The following SYNE2 variants were observed in gnomAD, a reference collection of about 807,000 sequenced individuals.
SYNE2 encodes the protein spectrin repeat containing nuclear envelope protein 2.
In SYNE2, 431 loss-of-function variants were observed where a neutral mutation model predicts 856.3. The ratio of observed to expected loss-of-function variants is 0.50; its 90% CI spans 0.47 to 0.55. SYNE2 has a LOEUF of 0.55. Ranked by LOEUF, SYNE2 falls within the 20% of genes least tolerant of loss-of-function variation. The probability of loss-of-function intolerance (pLI) is 0.00; values close to 1 mark genes in which losing one functional copy is unlikely to be tolerated. For missense variants in SYNE2, 8,129 were observed against 8,023.2 expected (o/e 1.01, Z -0.50); for synonymous variants, 2,923 against 2,872.3 (o/e 1.02, Z -0.56).
chr14:63,927,225 A>C (rs1313033160), intron 2 of SYNE2, among the ~76,000 whole-genome samples: 5 of 152,190 alleles, frequency 3.3e-5, no homozygotes, highest in Non-Finnish European at 7.3e-5. Flanking sequence ...TTGGCCATGG[A>C]AGCATTCCAG....
intron 6 of SYNE2, among the ~76,000 whole-genome samples, chr14:63,948,782 G>A (rs796844800): frequency 0.053 from 2,304 of 43,516 alleles, 90 homozygotes; most frequent in East Asian, 0.06. Context: ...ATGTGTGTGT[G>A]TATATATATA....
At position 64,167,569 on chromosome 14, in the gene SYNE2, T is replaced by C. The variant is rs2098387199; in HGVS notation, c.16835T>C (p.Ile5612Thr). 1.2e-6 allele frequency: 2 copies of C among 1,614,120 alleles called. No homozygotes were observed. The highest frequency in any genetic ancestry group is 2.2e-5 in the East Asian group (1 of 44,892). The stretch of plus-strand genomic sequence containing the variant: ...AAGTGGATCCAACTTTTGGAGAAGA[T>C]AGAAGAAGCACTCAAAGTGGATGTG... ...CEKWIQLLEK[I>T]EEALKVDVAN... Residue 5612 changes from isoleucine (I) to threonine (T), a missense_variant, in exon 92 of 116, where the codon ATA becomes ACA. Physicochemically the swap from Ile to Thr is moderately conservative, Grantham distance 89. This residue lies in a region of SYNE2 where 5,410 missense variants were observed against 5,284.8 expected (regional missense o/e 1.02). Coordinates refer to ENST00000555002, the MANE Select transcript of SYNE2 (RefSeq NM_182914.3).
chr14:63,954,652 A>G, intron 7 of SYNE2, 67 bp from the exon 8 acceptor site: 1 of 1,401,316 alleles, frequency 7.1e-7, no homozygotes, highest in Non-Finnish European at 1.0e-6. Context: ...TTACTATTGA[A>G]TATAGTGGAG....
Position 64,130,147 on chromosome 14 carries a change from A to C in SYNE2, c.14239A>C (p.Met4747Leu). Residue 4747 changes from methionine (M) to leucine (L), a missense_variant, in exon 76 of 116, where the codon ATG (methionine) becomes CTG (leucine). Coordinates refer to ENST00000555002, the MANE Select transcript of SYNE2 (RefSeq NM_182914.3). ...CCAGCAAGATGCTTTGTTGCAAGGC[A>C]TGGTGGAACTGGTGAAGATTGGGAA... ...ESQQDALLQG[M>L]VELVKIGKEK... The C allele has an allele frequency of 6.2e-7, 1 of 1,614,184 alleles. No individual in the cohort carries two copies. Among genetic ancestry groups the C allele is most frequent in the Non-Finnish European group, 8.5e-7 (1 of 1,179,988 alleles).
chr14:63,923,250 T>C (rs2153381901), intron 2 of SYNE2, among the ~76,000 whole-genome samples: 1 of 152,290 alleles, frequency 6.6e-6, no homozygotes, highest in Non-Finnish European at 1.5e-5. Context: ...AAGACTTGCT[T>C]ACGCAGAGAG....
intron 7 of SYNE2, among the ~76,000 whole-genome samples, chr14:63,951,383 A>G (rs1035097406): frequency 2.6e-5 from 4 of 152,062 alleles, no homozygotes; most frequent in Non-Finnish European, 5.9e-5. Flanking sequence ...ACTCACTGCA[A>G]CCTGCACCTC....
intron 99 of SYNE2, 142 bp from the exon 100 acceptor site, chr14:64,202,659 G>T: frequency 9.6e-7 from 1 of 1,043,690 alleles, no homozygotes. Context: ...GAGTTGTTCT[G>T]ATATAAAATC....
Position 64,074,076 on chromosome 14 carries a change from CACA to C in SYNE2, c.10809_10811del (p.Thr3604del), listed in dbSNP as rs1334175790. Reference sequence around the variant, plus strand: ...CTTTGAAGAATTTCTTTCAACAGACCACAACTTCATTCCAAAATATGGCATTCC... The same window carrying C: ...CTTTGAAGAATTTCTTTCAACAGACCACTTCATTCCAAAATATGGCATTCC... On this transcript the variant is annotated inframe_deletion, in exon 53 of 116. Coordinates refer to ENST00000555002, the MANE Select transcript of SYNE2 (RefSeq NM_182914.3). The C allele has an allele frequency of 1.2e-6, 2 of 1,614,076 alleles. No homozygotes were observed. The highest frequency in any genetic ancestry group is 3.3e-5 in the Admixed American group (2 of 60,020).
At chr14:63,996,822 A>G in intron 23 of SYNE2, 125 bp from the exon 24 acceptor site, 1 of 886,642 alleles carries the variant, frequency 1.1e-6, no homozygotes, top group Non-Finnish European at 1.8e-6. Context: ...CTATTGTCAT[A>G]GCATGTAGAT....
chr14:64,142,181 T>C, intron 82 of SYNE2, 93 bp downstream of exon 82: 1 of 1,443,178 alleles, frequency 6.9e-7, no homozygotes, highest in Non-Finnish European at 9.6e-7. Flanking sequence ...AGGATATAAT[T>C]TCAAAAAACT....
At chr14:64,044,615 C>G (rs1053392020) in intron 45 of SYNE2, among the ~76,000 whole-genome samples, 2 of 152,178 alleles carry the variant, frequency 1.3e-5, no homozygotes, top group Admixed American at 1.3e-4. Flanking sequence ...GTAACTCCCA[C>G]AATTCCCATG....
chr14:63,939,347 C>CTTTTTT (rs1056199146), intron 2 of SYNE2, among the ~76,000 whole-genome samples: 1 of 115,176 alleles, frequency 8.7e-6, no homozygotes, highest in African/African-American at 3.4e-5. Flanking sequence ...TTTTTTTTTT[C>CTTTTTT]TTTTTTTTTT....
chr14:64,021,423 C>G lies in SYNE2; in HGVS notation c.5260C>G (p.Leu1754Val). The G allele has an allele frequency of 4.3e-6, 7 of 1,614,176 alleles. No individual in the cohort carries two copies. The highest frequency in any genetic ancestry group is 5.9e-6 in the Non-Finnish European group (7 of 1,180,034). The change falls in exon 36 of 116, where the codon CTC (leucine) becomes GTC (valine). Residue 1754 changes from leucine (L) to valine (V), a missense_variant. Leu to Val is a conservative substitution (Grantham distance 32, BLOSUM62 1). This residue lies in a region of SYNE2 where 2,422 missense variants were observed against 2,357.4 expected (regional missense o/e 1.03). Coordinates refer to ENST00000555002, the MANE Select transcript of SYNE2 (RefSeq NM_182914.3). ...CAGCACTGCTGAGCTAAGGGAGGAT[C>G]TCGACCAAGCCAAGACCCAGATCGG... is the stretch of plus-strand genomic sequence containing the variant. ...SGSTAELRED[L>V]DQAKTQIGMT...
chr14:63,857,578 CA>C (rs1486653977), intron 1 of SYNE2, among the ~76,000 whole-genome samples: 1 of 151,962 alleles, frequency 6.6e-6, no homozygotes, highest in Admixed American at 6.6e-5. Flanking sequence ...ATAATATAAC[CA>C]AAATAGTCTA....
At chr14:64,087,416 A>G (rs775384070) in intron 57 of SYNE2, 2 of 641,460 alleles carry the variant, frequency 3.1e-6, no homozygotes, top group Admixed American at 1.8e-5. Context: ...CCTATTATTA[A>G]AGGATTCCAA....
rs75319913 is a variant in SYNE2, at chr14:64,030,349, A to G, written c.6879+290A>G. ...ACTTCTTTATGTAACTTCAAAATCT[A>G]TCCTAGTACTTGGCTGTTAGTTGGA... On this transcript the variant is annotated intron_variant, in intron 44 of 115. Transcript: ENST00000555002. 1.1e-3 allele frequency among the ~76,000 whole-genome samples: 161 copies of G among 152,294 alleles called. 3 individuals are homozygous for G. The South Asian group carries it at 0.015, about 14-fold the overall frequency.
intron 84 of SYNE2, among the ~76,000 whole-genome samples, chr14:64,148,768 C>T (rs1220786058): frequency 6.6e-6 from 1 of 152,100 alleles, no homozygotes; most frequent in African/African-American, 2.4e-5. Context: ...CCTAGCACCC[C>T]ATGTAGCATC....
rs778906008 is a variant in SYNE2, at chr14:64,056,017, C to G, written c.9818C>G (p.Thr3273Ser). The change falls in exon 49 of 116, where the codon ACT (threonine) becomes AGT (serine). Residue 3273 changes from threonine (T) to serine (S), a missense_variant. Thr to Ser is a moderately conservative substitution (Grantham distance 58, BLOSUM62 1). Around this residue, in one of 3 missense-constraint regions of SYNE2, gnomAD observed 5,410 missense variants for 5,284.8 expected, o/e 1.02. Coordinates refer to ENST00000555002, the MANE Select transcript of SYNE2 (RefSeq NM_182914.3). ...EAVTRAVESITSLEAIIIPYR... is the reference protein window; with the variant it reads ...EAVTRAVESISSLEAIIIPYR... ...GTCACCAGGGCAGTGGAGAGCATCA[C>G]TTCCCTCGAAGCCATCATTATACCC... is the stretch of plus-strand genomic sequence containing the variant. 3 of 1,614,112 alleles carry G rather than the reference C, an allele frequency of 1.9e-6. No individual in the cohort carries two copies. Among genetic ancestry groups the G allele is most frequent in the Non-Finnish European group, 2.5e-6 (3 of 1,179,968 alleles).
rs2096604485 is a variant in SYNE2 at position 63,983,786 on chromosome 14, A to G, written c.2051A>G (p.Asp684Gly). The change falls in exon 18 of 116, where the codon GAC (aspartate) becomes GGC (glycine). Residue 684 changes from aspartate (D) to glycine (G), a missense_variant. This residue lies in a region of SYNE2 where 2,422 missense variants were observed against 2,357.4 expected (regional missense o/e 1.03). Transcript: ENST00000555002. ...MIKKQDQPTF[D>G]NSGNILSKEE... Reference sequence around the variant, plus strand: ...AAAAAACAGGATCAGCCCACTTTTGACAATTCTGGAAATATTCTATCTAAA... The same window carrying G: ...AAAAAACAGGATCAGCCCACTTTTGGCAATTCTGGAAATATTCTATCTAAA... 1.9e-6 allele frequency: 3 copies of G among 1,613,010 alleles called. No individual in the cohort carries two copies. Among genetic ancestry groups the G allele is most frequent in the Non-Finnish European group, 2.5e-6 (3 of 1,179,186 alleles).
Sources: allele counts gnomAD v4.1 joint callset (sites outside exome capture counted in the v4.1 genomes callset), GRCh38; gene constraint gnomAD v4.1.1; regional missense constraint gnomAD v4.1.1; transcripts MANE v1.5; gene names NCBI Gene and HGNC (gene_info 2026-07-23, HGNC 2026-07-21).